CSMD1: variants seen among roughly 807,000 people sequenced by gnomAD.
The protein encoded by CSMD1 is CUB and Sushi multiple domains 1, also known as CUB and sushi domain-containing protein 1.
In CSMD1, 213 loss-of-function variants were observed where a neutral mutation model predicts 417.5. The ratio of observed to expected loss-of-function variants is 0.51; its 90% CI spans 0.46 to 0.57. The LOEUF (loss-of-function observed/expected upper bound fraction) is 0.57, where lower values mean the gene tolerates loss of function less well. Among genes scored for constraint, CSMD1 ranks in the 20% least tolerant of loss-of-function variants. The pLI is 0.00. For synonymous variants in CSMD1, 2,862 were observed against 1,736.8 expected, an observed-to-expected ratio of 1.65 and a Z score of -16.11; for missense variants, 6,923 against 4,529.7, an observed-to-expected ratio of 1.53 and a Z score of -15.17.
intron 2 of CSMD1, among the ~76,000 whole-genome samples, chr8:4,603,602 G>A (rs987550503): frequency 2.6e-5 from 4 of 152,074 alleles, no homozygotes; most frequent in African/African-American, 9.7e-5. Context: ...GCAAAATAGT[G>A]CGAAAACATG....
intron 1 of CSMD1, among the ~76,000 whole-genome samples, chr8:4,707,661 C>T (rs950760571): frequency 1.3e-5 from 2 of 151,746 alleles, no homozygotes; most frequent in Non-Finnish European, 2.9e-5. Flanking sequence ...CCGAGGCGGG[C>T]GGATCACCTG....
intron 10 of CSMD1, among the ~76,000 whole-genome samples, chr8:3,526,255 T>G (rs1797749312): frequency 1.3e-5 from 2 of 152,148 alleles, no homozygotes; most frequent in African/African-American, 2.4e-5. Flanking sequence ...ATAAATTGTC[T>G]TAAAATATAA....
chr8:3,261,435 C>A (rs371717281), intron 26 of CSMD1, among the ~76,000 whole-genome samples: 4 of 151,980 alleles, frequency 2.6e-5, no homozygotes, highest in African/African-American at 9.7e-5. Flanking sequence ...GTGATGGGTG[C>A]GCCAAAATCC....
chr8:4,619,968 G>C (rs972810947), intron 2 of CSMD1, among the ~76,000 whole-genome samples: 2 of 151,964 alleles, frequency 1.3e-5, no homozygotes, highest in African/African-American at 4.8e-5. Context: ...AATTAGCATA[G>C]TGTTACATGA....
At chr8:4,033,540 T>C (rs1381798632) in intron 3 of CSMD1, among the ~76,000 whole-genome samples, 2 of 152,182 alleles carry the variant, frequency 1.3e-5, no homozygotes, top group Non-Finnish European at 1.5e-5. Context: ...CAAACCAATG[T>C]ATATCTGAAG....
chr8:3,934,556 A>C (rs980283241), intron 5 of CSMD1, among the ~76,000 whole-genome samples: 9 of 152,170 alleles, frequency 5.9e-5, no homozygotes, highest in Admixed American at 5.2e-4. Flanking sequence ...ACTAAGGGTT[A>C]AACAATTGGT....
chr8:4,285,275 G>C (rs187941033), intron 3 of CSMD1, among the ~76,000 whole-genome samples: 1 of 152,156 alleles, frequency 6.6e-6, no homozygotes, highest in Non-Finnish European at 1.5e-5. Context: ...ATGCCATTTC[G>C]TTCTTGCTTA....
At chr8:4,869,732 A>T in intron 1 of CSMD1, among the ~76,000 whole-genome samples, 1 of 152,042 alleles carries the variant, frequency 6.6e-6, no homozygotes, top group South Asian at 2.1e-4. Flanking sequence ...AAGTAATAAA[A>T]CGTTCCATGG....
chr8:4,045,332 A>G (rs1261597577), intron 3 of CSMD1, among the ~76,000 whole-genome samples: 1 of 152,168 alleles, frequency 6.6e-6, no homozygotes, highest in East Asian at 1.9e-4. Flanking sequence ...AAGGACCATC[A>G]ATTGTGTATG....
chr8:4,268,773 C>T (rs1484525843), intron 3 of CSMD1, among the ~76,000 whole-genome samples: 1 of 151,732 alleles, frequency 6.6e-6, no homozygotes, highest in East Asian at 1.9e-4. Context: ...CCACAAATAT[C>T]TGAATAACAT....
intron 3 of CSMD1, among the ~76,000 whole-genome samples, chr8:4,193,599 C>T (rs561140647): frequency 2.6e-5 from 4 of 152,134 alleles, no homozygotes; most frequent in Admixed American, 6.5e-5. Flanking sequence ...AGGGTCCCAC[C>T]GGGCCCTCTG....
chr8:3,285,783 C>T lies in CSMD1; in HGVS notation c.3951-1437G>A, dbSNP rs145476272. Among the ~76,000 whole-genome samples, 15 of 151,874 alleles carry T rather than the reference C, an allele frequency of 9.9e-5. No individual in the cohort carries two copies. The East Asian group carries it at 2.9e-3, about 29-fold the overall frequency. ...CCAAATCATTGGTTCTTTCTCTTAT[C>T]ACACACTCTGAAGTTGTAATGTAAT... On this transcript the variant is annotated intron_variant, in intron 25 of 69. Coordinates refer to ENST00000635120, the MANE Select transcript of CSMD1 (RefSeq NM_033225.6).
At chr8:4,436,981 C>G (rs1489559675) in intron 2 of CSMD1, among the ~76,000 whole-genome samples, 3 of 152,144 alleles carry the variant, frequency 2.0e-5, no homozygotes, top group Non-Finnish European at 4.4e-5. Context: ...ATTTGAATTT[C>G]TTGCTCAGCT....
At chr8:4,815,386 C>G (rs565045494) in intron 1 of CSMD1, among the ~76,000 whole-genome samples, 1 of 152,046 alleles carries the variant, frequency 6.6e-6, no homozygotes, top group Admixed American at 6.6e-5. Flanking sequence ...CCATGTGGGG[C>G]TACTGTACTG....
chr8:4,202,586 G>C (rs534835744), intron 3 of CSMD1, among the ~76,000 whole-genome samples: 126 of 152,238 alleles, frequency 8.3e-4, no homozygotes, highest in African/African-American at 2.7e-3. Flanking sequence ...ATTCAAAAAA[G>C]GTTACTTTCC....
At chr8:4,343,793 G>A (rs1005077610) in intron 3 of CSMD1, among the ~76,000 whole-genome samples, 1 of 152,024 alleles carries the variant, frequency 6.6e-6, no homozygotes, top group East Asian at 1.9e-4. Flanking sequence ...TTCCGTATTA[G>A]AAATATGTGG....
intron 5 of CSMD1, among the ~76,000 whole-genome samples, chr8:3,922,999 A>G (rs1273694974): frequency 2.0e-5 from 3 of 152,174 alleles, no homozygotes; most frequent in Admixed American, 6.5e-5. Flanking sequence ...CTCTATTTCC[A>G]TCTATTCTTA....
At chr8:3,863,752 C>G (rs1290892414) in intron 5 of CSMD1, among the ~76,000 whole-genome samples, 2 of 152,032 alleles carry the variant, frequency 1.3e-5, no homozygotes, top group South Asian at 2.1e-4. Flanking sequence ...AAATGTTAAA[C>G]TACCCAGAAG....
intron 5 of CSMD1, among the ~76,000 whole-genome samples, chr8:3,866,148 T>C (rs543233244): frequency 1.3e-5 from 2 of 152,330 alleles, no homozygotes; most frequent in South Asian, 4.1e-4. Flanking sequence ...TCTGAAGATA[T>C]AACATTAAGG....
Sources: allele counts gnomAD v4.1 joint callset (sites outside exome capture counted in the v4.1 genomes callset), GRCh38; gene constraint gnomAD v4.1.1; transcripts MANE v1.5; gene names NCBI Gene and HGNC (gene_info 2026-07-23, HGNC 2026-07-21).